The following SHLD2 variants were observed in gnomAD, a reference collection of about 807,000 sequenced individuals.
The protein encoded by SHLD2 is RINN1-REV7-interacting novel NHEJ regulator 2.
A neutral mutation model predicts 73.2 loss-of-function variants in SHLD2; 30 were observed. That is an observed-to-expected ratio of 0.41 (90% CI 0.31 to 0.56). The LOEUF (loss-of-function observed/expected upper bound fraction) is 0.56, where lower values mean the gene tolerates loss of function less well. Ranked by LOEUF, SHLD2 falls within the 20% of genes least tolerant of loss-of-function variation. The pLI is 0.28. For missense variants in SHLD2, 745 were observed against 1,055.9 expected (o/e 0.71, Z 4.08); for synonymous variants, 285 against 370.1 (o/e 0.77, Z 2.64).
In SHLD2 at chr10:87,141,486, C is replaced by T. The variant is rs187515541; in HGVS notation, c.-5-9864C>T. On this transcript the variant is annotated intron_variant, in intron 2 of 9. Coordinates refer to ENST00000298786, the MANE Select transcript of SHLD2 (RefSeq NM_001330112.2). ...CCTCCCAAGTAGCTGGGATTACAGG[C>T]GCGTGCCACCACACCCAGCTAATTT... Among the ~76,000 whole-genome samples the T allele has an allele frequency of 4.0e-3, 611 of 151,994 alleles. 3 individuals carry two copies. Among genetic ancestry groups the T allele is most frequent in the African/African-American group, 0.013 (523 of 41,478 alleles).
chr10:87,183,073 G>C (rs1357231722), intron 8 of SHLD2, among the ~76,000 whole-genome samples: 1 of 152,210 alleles, frequency 6.6e-6, no homozygotes, highest in African/African-American at 2.4e-5. Flanking sequence ...AGAGGCTGTT[G>C]CCTTATTTTG....
At chr10:87,118,857 C>T (rs1843412940) in intron 2 of SHLD2, among the ~76,000 whole-genome samples, 1 of 152,168 alleles carries the variant, frequency 6.6e-6, no homozygotes, top group Admixed American at 6.6e-5. Flanking sequence ...CATATCCAAG[C>T]TTGAATGTCA....
Position 87,191,006 on chromosome 10 carries a change from T to G in SHLD2, c.*323T>G. 1 of 347,530 alleles carries G rather than the reference T, an allele frequency of 2.9e-6. No homozygotes were observed. The allele number at this position is 347,530 out of a possible 1,614,324, so 21.5% of individuals were successfully genotyped here. ...CCCTGCTACATTCCAGGCATTGTAC[T>G]AAGTATGGGGAACCACAGAGAAGAC... On this transcript the variant is annotated 3_prime_UTR_variant, in exon 10 of 10. Coordinates refer to ENST00000298786, the MANE Select transcript of SHLD2 (RefSeq NM_001330112.2).
intron 4 of SHLD2, among the ~76,000 whole-genome samples, chr10:87,163,982 G>T (rs1444475243): frequency 2.1e-5 from 3 of 146,038 alleles, no homozygotes; most frequent in African/African-American, 7.6e-5. Flanking sequence ...TTTTGAGATG[G>T]ACTCTTGTTC....
chr10:87,100,535 T>A (rs1842197817), intron 2 of SHLD2, among the ~76,000 whole-genome samples: 1 of 150,644 alleles, frequency 6.6e-6, no homozygotes, highest in African/African-American at 2.4e-5. Context: ...TGGAGTGCAA[T>A]AGCGCGATCT....
At chr10:87,096,451 G>T (rs1313703922) in intron 1 of SHLD2, among the ~76,000 whole-genome samples, 1 of 151,900 alleles carries the variant, frequency 6.6e-6, no homozygotes, top group Non-Finnish European at 1.5e-5. Context: ...AGCTTTTGGT[G>T]CTTTTCAAAC....
chr10:87,149,102 G>T (rs1427027545), intron 2 of SHLD2, among the ~76,000 whole-genome samples: 2 of 151,600 alleles, frequency 1.3e-5, no homozygotes, highest in Non-Finnish European at 2.9e-5. Context: ...TGGCCAGGCT[G>T]GTCTCGGACT....
intron 2 of SHLD2, among the ~76,000 whole-genome samples, chr10:87,136,336 G>C (rs928810089): frequency 2.6e-5 from 4 of 151,430 alleles, no homozygotes; most frequent in African/African-American, 9.7e-5. Flanking sequence ...AAAGCATGTA[G>C]TATATGCTTT....
intron 2 of SHLD2, among the ~76,000 whole-genome samples, chr10:87,111,626 G>T (rs1842925552): frequency 7.2e-6 from 1 of 138,766 alleles, no homozygotes; most frequent in East Asian, 2.4e-4. Context: ...GGTTGACAGG[G>T]CAAGAGTCTG....
chr10:87,174,839 G>A (rs1239875156), intron 6 of SHLD2, among the ~76,000 whole-genome samples: 17 of 152,136 alleles, frequency 1.1e-4, no homozygotes, highest in Non-Finnish European at 2.9e-5. Context: ...AATTGTGGCC[G>A]GCGTGGTGGC....
At position 87,120,536 on chromosome 10, in the gene SHLD2, C is replaced by T. The variant is rs186029096; in HGVS notation, c.-6+23547C>T. Among the ~76,000 whole-genome samples, 265 of 151,988 alleles carry T rather than the reference C, an allele frequency of 1.7e-3. 5 individuals carry two copies. In the East Asian group the frequency reaches 0.042, roughly 24 times the overall value. ...TGCTGGGATTACAGGCGTGAACCAC[C>T]GCGCCCGGCCGTGTTGAAGTTTTTA... On this transcript the variant is annotated intron_variant, in intron 2 of 9. Coordinates refer to ENST00000298786, the MANE Select transcript of SHLD2 (RefSeq NM_001330112.2).
At chr10:87,173,281 G>A (rs1157175476) in intron 6 of SHLD2, among the ~76,000 whole-genome samples, 48 of 152,158 alleles carry the variant, frequency 3.2e-4, no homozygotes, top group Non-Finnish European at 5.6e-4. Context: ...ACCCGCCTCA[G>A]CCTCCCAAAG....
chr10:87,181,588 C>T (rs1478343371), intron 8 of SHLD2, among the ~76,000 whole-genome samples: 3 of 151,470 alleles, frequency 2.0e-5, no homozygotes, highest in Non-Finnish European at 4.4e-5. Flanking sequence ...TACAAAATGA[C>T]TGTTCAAGAG....
chr10:87,161,634 G>A (rs1846825424), intron 4 of SHLD2, among the ~76,000 whole-genome samples: 1 of 151,860 alleles, frequency 6.6e-6, no homozygotes. Flanking sequence ...ATGAAGAAAT[G>A]GAAAGACATT....
rs1844122358 is a variant in SHLD2, at chr10:87,127,543, CGTCT to C, written c.-5-23805_-5-23802del. Among the ~76,000 whole-genome samples, 6 of 99,676 alleles carry C rather than the reference CGTCT, an allele frequency of 6.0e-5. No homozygotes were observed. In the East Asian group the frequency reaches 2.4e-3, roughly 40 times the overall value. 65.4% of individuals were successfully genotyped at this position (99,676 alleles called of 152,430 possible). A position where few individuals can be genotyped will look rare whatever the true frequency, so the allele number is the denominator to read the frequency against. ...CCCTCTTACCCGCCCCCCCCCACCCCGTCTGCCACCCCCCGCCTCCCACTTTTTT... is the reference window on the plus strand; with the variant it reads ...CCCTCTTACCCGCCCCCCCCCACCCCGCCACCCCCCGCCTCCCACTTTTTT... On this transcript the variant is annotated intron_variant, in intron 2 of 9. Coordinates refer to ENST00000298786, the MANE Select transcript of SHLD2 (RefSeq NM_001330112.2).
intron 7 of SHLD2, 72 bp from the exon 8 acceptor site, chr10:87,180,003 T>C: frequency 9.6e-7 from 1 of 1,040,410 alleles, no homozygotes; most frequent in South Asian, 1.3e-5. Context: ...AACTATAAAA[T>C]TAGCCATGTT....
At chr10:87,176,291 C>A (rs1219885420) in intron 7 of SHLD2, among the ~76,000 whole-genome samples, 196 bp downstream of exon 7, 1 of 152,212 alleles carries the variant, frequency 6.6e-6, no homozygotes, top group Non-Finnish European at 1.5e-5. Flanking sequence ...ACCATCAGTG[C>A]ATGCCACCAC....
In SHLD2 at chr10:87,115,080, G is replaced by A. The variant is rs534768738; in HGVS notation, c.-6+18091G>A. ...TATTTATTTATTTTGAGACAGAGTCGTGCTCTGTCGCCCAGGCTGGAGTGC... is the reference window on the plus strand; with the variant it reads ...TATTTATTTATTTTGAGACAGAGTCATGCTCTGTCGCCCAGGCTGGAGTGC... On this transcript the variant is annotated intron_variant, in intron 2 of 9. Coordinates refer to ENST00000298786, the MANE Select transcript of SHLD2 (RefSeq NM_001330112.2). 3.4e-4 allele frequency among the ~76,000 whole-genome samples: 51 copies of A among 152,072 alleles called. 1 individual carries two copies. Among genetic ancestry groups the A allele is most frequent in the African/African-American group, 1.2e-3 (51 of 41,466 alleles).
chr10:87,190,975 T>G lies in SHLD2; in HGVS notation c.*292T>G. 4.7e-6 allele frequency: 2 copies of G among 427,294 alleles called. No homozygotes were observed. Among genetic ancestry groups the G allele is most frequent in the Non-Finnish European group, 4.3e-6 (1 of 233,852 alleles). 26.5% of individuals were successfully genotyped at this position (427,294 alleles called of 1,614,324 possible). ...AAGGTTTGCCCATTTGTTCACTGTATTTAGTCCCTGCTACATTCCAGGCAT... is the reference window on the plus strand; with the variant it reads ...AAGGTTTGCCCATTTGTTCACTGTAGTTAGTCCCTGCTACATTCCAGGCAT... On this transcript the variant is annotated 3_prime_UTR_variant, in exon 10 of 10. Coordinates refer to ENST00000298786, the MANE Select transcript of SHLD2 (RefSeq NM_001330112.2).
Sources: allele counts gnomAD v4.1 joint callset (sites outside exome capture counted in the v4.1 genomes callset), GRCh38; gene constraint gnomAD v4.1.1; transcripts MANE v1.5; gene names NCBI Gene and HGNC (gene_info 2026-07-23, HGNC 2026-07-21).